The following RBFOX1 variants were observed in gnomAD, a reference collection of about 807,000 sequenced individuals.
The protein encoded by RBFOX1 is RNA binding fox-1 homolog 1.
Under a neutral mutation model 57.7 loss-of-function variants are expected in RBFOX1, and 8 were observed. The observed-to-expected ratio is 0.14, with a 90% confidence interval of 0.08 to 0.25. RBFOX1 has a LOEUF of 0.25. RBFOX1 is among the 10% of genes least tolerant of loss of function. The pLI is 1.00. For synonymous variants in RBFOX1, 326 were observed against 222.4 expected, an observed-to-expected ratio of 1.47 and a Z score of -4.15; for missense variants, 611 against 548.5, an observed-to-expected ratio of 1.11 and a Z score of -1.14.
At chr16:6,641,765 A>G (rs985192129) in intron 2 of RBFOX1, among the ~76,000 whole-genome samples, 1 of 22,564 alleles carries the variant, frequency 4.4e-5, no homozygotes, top group African/African-American at 1.3e-4. Context: ...AAAAAAAAAA[A>G]AAAAAAAAAA....
chr16:6,388,053 C>G (rs948263471), intron 2 of RBFOX1, among the ~76,000 whole-genome samples: 1 of 142,168 alleles, frequency 7.0e-6, no homozygotes, highest in Non-Finnish European at 1.5e-5. Context: ...GATTTGAGCT[C>G]ACTGCAACCT....
At chr16:7,161,811 G>A (rs962905392) in intron 4 of RBFOX1, among the ~76,000 whole-genome samples, 9 of 152,216 alleles carry the variant, frequency 5.9e-5, no homozygotes, top group Non-Finnish European at 1.3e-4. Context: ...TGGATGTTTA[G>A]AAGTTTCTAG....
At chr16:7,091,004 G>A (rs1273933967) in intron 4 of RBFOX1, among the ~76,000 whole-genome samples, 3 of 152,146 alleles carry the variant, frequency 2.0e-5, no homozygotes, top group African/African-American at 4.8e-5. Flanking sequence ...TAGGCAATTG[G>A]CACCTACTCA....
intron 3 of RBFOX1, among the ~76,000 whole-genome samples, chr16:5,635,712 C>T (rs909499525): frequency 1.3e-5 from 2 of 152,158 alleles, no homozygotes; most frequent in South Asian, 2.1e-4. Context: ...ATCCTGGGTG[C>T]ACCAGTAGAC....
rs79326268 is a variant in RBFOX1, at chr16:6,352,869, A to G, written c.-64+35812A>G. ...TATATAATTTCCTTCATGCTCGCAA[A>G]CACAACATGCATCACAGGGAAAGCC... On this transcript the variant is annotated intron_variant, in intron 2 of 15. Transcript: ENST00000550418. 8.1e-3 allele frequency among the ~76,000 whole-genome samples: 1,228 copies of G among 152,280 alleles called. 23 individuals carry two copies. The highest frequency in any genetic ancestry group is 0.028 in the African/African-American group (1,156 of 41,534).
At chr16:6,608,338 T>G (rs915647770) in intron 2 of RBFOX1, among the ~76,000 whole-genome samples, 1 of 152,238 alleles carries the variant, frequency 6.6e-6, no homozygotes, top group Non-Finnish European at 1.5e-5. Context: ...CCAGAAAGAC[T>G]GGCTTAAATC....
intron 4 of RBFOX1, among the ~76,000 whole-genome samples, chr16:7,115,446 G>C (rs563679554): frequency 3.8e-4 from 58 of 152,298 alleles, no homozygotes; most frequent in African/African-American, 1.2e-3. Flanking sequence ...CCACCTCATA[G>C]TTGCTGTGGA....
chr16:5,762,542 A>G (rs1258930844), intron 3 of RBFOX1, among the ~76,000 whole-genome samples: 1 of 152,186 alleles, frequency 6.6e-6, no homozygotes, highest in Non-Finnish European at 1.5e-5. Context: ...TGACCCGGCA[A>G]TTCCACTTTG....
chr16:5,517,648 A>G (rs921276304), intron 2 of RBFOX1, among the ~76,000 whole-genome samples: 3 of 152,188 alleles, frequency 2.0e-5, no homozygotes, highest in Non-Finnish European at 2.9e-5. Context: ...TGGCATCTCA[A>G]ATAGATTGGG....
chr16:5,718,867 C>T (rs1228483285), intron 3 of RBFOX1, among the ~76,000 whole-genome samples: 1 of 151,810 alleles, frequency 6.6e-6, no homozygotes, highest in African/African-American at 2.4e-5. Context: ...GGAGACTGCA[C>T]CAATTTACCC....
chr16:5,513,019 G>A (rs529998589), intron 2 of RBFOX1, among the ~76,000 whole-genome samples: 15 of 152,272 alleles, frequency 9.9e-5, no homozygotes, highest in Non-Finnish European at 1.9e-4. Flanking sequence ...AGGCTCAAAC[G>A]ATCCTTCCAC....
intron 2 of RBFOX1, among the ~76,000 whole-genome samples, chr16:6,443,263 TC>T (rs1348518720): frequency 6.6e-6 from 1 of 152,172 alleles, no homozygotes; most frequent in Non-Finnish European, 1.5e-5. Flanking sequence ...CTCCCTTTCT[TC>T]CTGTAGGATT....
At chr16:5,708,760 A>T (rs907044914) in intron 3 of RBFOX1, among the ~76,000 whole-genome samples, 1 of 152,100 alleles carries the variant, frequency 6.6e-6, no homozygotes, top group Non-Finnish European at 1.5e-5. Context: ...ATTCAAACTG[A>T]GCCTGGGAGA....
chr16:6,474,459 G>A (rs2095241877), intron 2 of RBFOX1, among the ~76,000 whole-genome samples: 1 of 152,166 alleles, frequency 6.6e-6, no homozygotes, highest in Non-Finnish European at 1.5e-5. Flanking sequence ...CTGTTGTTCA[G>A]GTAATTTAAC....
intron 4 of RBFOX1, among the ~76,000 whole-genome samples, chr16:7,214,919 C>T (rs566509883): frequency 2.6e-5 from 4 of 152,116 alleles, no homozygotes; most frequent in African/African-American, 9.7e-5. Flanking sequence ...TTTAAGTTCT[C>T]GGACACATGT....
chr16:6,679,069 A>G (rs1603371786), intron 3 of RBFOX1, among the ~76,000 whole-genome samples: 1 of 152,068 alleles, frequency 6.6e-6, no homozygotes, highest in Non-Finnish European at 1.5e-5. Flanking sequence ...AACCCTTGCT[A>G]ATCTTTTTGA....
At chr16:6,511,102 C>T (rs2096247295) in intron 2 of RBFOX1, among the ~76,000 whole-genome samples, 1 of 152,090 alleles carries the variant, frequency 6.6e-6, no homozygotes, top group South Asian at 2.1e-4. Context: ...ATGGCTTTTC[C>T]ACGTAAGAGC....
chr16:7,437,509 C>T (rs1201121189), intron 4 of RBFOX1, among the ~76,000 whole-genome samples: 3 of 152,114 alleles, frequency 2.0e-5, no homozygotes, highest in Non-Finnish European at 4.4e-5. Flanking sequence ...TAATTAGAGC[C>T]AAGCTGCAGA....
intron 1 of RBFOX1, among the ~76,000 whole-genome samples, chr16:5,460,670 T>C (rs2068760574): frequency 6.6e-6 from 1 of 152,248 alleles, no homozygotes; most frequent in Non-Finnish European, 1.5e-5. Flanking sequence ...GCATTTGTTC[T>C]GCAGCTTCCT....
Sources: allele counts gnomAD v4.1 joint callset (sites outside exome capture counted in the v4.1 genomes callset), GRCh38; gene constraint gnomAD v4.1.1; transcripts MANE v1.5; gene names NCBI Gene and HGNC (gene_info 2026-07-23, HGNC 2026-07-21).